The following ST7 variants were observed in gnomAD, a reference collection of about 807,000 sequenced individuals.
ST7 encodes the protein suppressor of tumorigenicity 7 protein.
Under a neutral mutation model 78.7 loss-of-function variants are expected in ST7, and 28 were observed. That is an observed-to-expected ratio of 0.36 (90% confidence interval 0.26 to 0.49). The LOEUF is 0.49. Among genes scored for constraint, ST7 ranks in the 20% least tolerant of loss-of-function variants. The pLI, the probability that ST7 is intolerant of heterozygous loss-of-function variation, is 0.99. For missense variants in ST7, 418 were observed against 696.0 expected (o/e 0.60, Z 4.49); for synonymous variants, 247 against 249.6 (o/e 0.99, Z 0.10).
At chr7:117,016,319 G>A (rs957113676) in intron 1 of ST7, among the ~76,000 whole-genome samples, 2 of 152,092 alleles carry the variant, frequency 1.3e-5, no homozygotes. Flanking sequence ...GTACTACATT[G>A]AAGCAGGAAG....
At chr7:117,051,619 A>G (rs971257650) in intron 1 of ST7, among the ~76,000 whole-genome samples, 3 of 152,154 alleles carry the variant, frequency 2.0e-5, no homozygotes, top group Admixed American at 1.3e-4. Flanking sequence ...ACAGGAGGGA[A>G]TAGATAGAGC....
chr7:117,130,325 C>G (rs1804240815), intron 4 of ST7, among the ~76,000 whole-genome samples, 166 bp from the exon 5 acceptor site: 1 of 151,766 alleles, frequency 6.6e-6, no homozygotes, highest in Non-Finnish European at 1.5e-5. Context: ...TGATATAATT[C>G]CTGAAGGGAG....
intron 1 of ST7, among the ~76,000 whole-genome samples, chr7:117,059,143 A>G (rs1798214997): frequency 6.6e-6 from 1 of 152,214 alleles, no homozygotes; most frequent in African/African-American, 2.4e-5. Flanking sequence ...TGAGGTGACC[A>G]TAGTCAAATA....
intron 1 of ST7, among the ~76,000 whole-genome samples, chr7:116,961,594 G>GTGTGTGTGTGTGTGT (rs1288812575): frequency 7.0e-6 from 1 of 142,054 alleles, no homozygotes; most frequent in African/African-American, 2.6e-5. Flanking sequence ...GTGTGTGTGT[G>GTGTGTGTGTGTGTGT]GTGGGGGGCA....
At chr7:117,161,141 C>G (rs2117212886) in intron 9 of ST7, among the ~76,000 whole-genome samples, 1 of 150,924 alleles carries the variant, frequency 6.6e-6, no homozygotes, top group Non-Finnish European at 1.5e-5. Context: ...TAAATAGCTA[C>G]AGAGCCAAAC....
intron 1 of ST7, among the ~76,000 whole-genome samples, chr7:116,975,143 G>A (rs1226048386): frequency 2.0e-5 from 3 of 152,144 alleles, no homozygotes; most frequent in Non-Finnish European, 2.9e-5. Flanking sequence ...TCATAGTCAT[G>A]GCAGAAGGCG....
chr7:117,213,422 T>C (rs1429594674), intron 13 of ST7, among the ~76,000 whole-genome samples: 1 of 152,176 alleles, frequency 6.6e-6, no homozygotes, highest in African/African-American at 2.4e-5. Context: ...AAATTCTTAG[T>C]TTCTGTCAAA....
intron 9 of ST7, among the ~76,000 whole-genome samples, chr7:117,143,552 C>T (rs1805504107): frequency 2.0e-5 from 3 of 152,140 alleles, no homozygotes; most frequent in African/African-American, 7.2e-5. Context: ...GTAGTGTTTA[C>T]TGTGTCCTAG....
chr7:117,149,620 G>A (rs781770029), intron 9 of ST7, among the ~76,000 whole-genome samples: 1 of 125,774 alleles, frequency 8.0e-6, no homozygotes, highest in Non-Finnish European at 1.6e-5. Flanking sequence ...TTTTTTGAAG[G>A]CATTGTTTTT....
intron 9 of ST7, among the ~76,000 whole-genome samples, chr7:117,160,242 AAAAAG>A (rs1465446436): frequency 4.0e-5 from 6 of 149,694 alleles, no homozygotes; most frequent in Non-Finnish European, 8.8e-5. Context: ...CAAAAAAAAA[AAAAAG>A]AAAGAAAGAA....
intron 1 of ST7, among the ~76,000 whole-genome samples, chr7:116,998,740 A>G (rs956449206): frequency 2.0e-5 from 3 of 152,372 alleles, no homozygotes; most frequent in Admixed American, 2.0e-4. Context: ...ATAATGGAGA[A>G]CTAAGCGAAT....
At chr7:116,971,274 C>T (rs1261418517) in intron 1 of ST7, among the ~76,000 whole-genome samples, 3 of 152,138 alleles carry the variant, frequency 2.0e-5, no homozygotes, top group African/African-American at 7.2e-5. Flanking sequence ...TGATACAAAG[C>T]ACAATGAGAT....
chr7:117,029,640 A>G (rs1314959446), intron 1 of ST7, among the ~76,000 whole-genome samples: 1 of 151,982 alleles, frequency 6.6e-6, no homozygotes, highest in Non-Finnish European at 1.5e-5. Flanking sequence ...TGTTATTGTC[A>G]CGAATATTTT....
intron 1 of ST7, among the ~76,000 whole-genome samples, chr7:116,976,076 C>T (rs1201996428): frequency 6.6e-6 from 1 of 152,066 alleles, no homozygotes; most frequent in Non-Finnish European, 1.5e-5. Flanking sequence ...GCCTGGCCAA[C>T]ATGGTGAAAC....
chr7:117,016,601 T>C (rs1289065644), intron 1 of ST7, among the ~76,000 whole-genome samples: 1 of 152,206 alleles, frequency 6.6e-6, no homozygotes. Context: ...CTAAGAACTT[T>C]AGTGTGAACA....
intron 12 of ST7, among the ~76,000 whole-genome samples, chr7:117,202,461 C>T (rs988110690): frequency 5.3e-5 from 8 of 152,152 alleles, no homozygotes; most frequent in African/African-American, 1.7e-4. Flanking sequence ...CCTCTTCCTC[C>T]TTTGGTGTCT....
chr7:117,184,117 C>T (rs919421601), intron 10 of ST7: 1 of 152,224 alleles, frequency 6.6e-6, no homozygotes, highest in Non-Finnish European at 1.5e-5. Context: ...AATTTCTTCT[C>T]CTTTCAGGAA....
chr7:117,203,567 T>C (rs1811071620), intron 12 of ST7, among the ~76,000 whole-genome samples: 1 of 152,226 alleles, frequency 6.6e-6, no homozygotes. Flanking sequence ...TTTTTCAGTA[T>C]AAACTCTTAT....
At chr7:117,023,994 A>T (rs1191944406) in intron 1 of ST7, among the ~76,000 whole-genome samples, 1 of 151,928 alleles carries the variant, frequency 6.6e-6, no homozygotes, top group East Asian at 1.9e-4. Flanking sequence ...ATTTTTGTTC[A>T]GTAGAGATGC....
Sources: gnomAD v4.1 joint callset for allele counts (sites outside exome capture counted in the v4.1 genomes callset) on GRCh38, gnomAD v4.1.1 for gene constraint, MANE v1.5 for transcripts, NCBI Gene and HGNC (gene_info 2026-07-23, HGNC 2026-07-21) for gene names.